HNRNPM: variants seen among roughly 807,000 people sequenced by gnomAD.
HNRNPM encodes the protein heterogeneous nuclear ribonucleoprotein M.
In HNRNPM, 11 loss-of-function variants were observed where a neutral mutation model predicts 73.1. That is an observed-to-expected ratio of 0.15 (90% CI 0.09 to 0.25). The LOEUF is 0.25. HNRNPM is among the 10% of genes least tolerant of loss of function. The pLI is 1.00. For synonymous variants in HNRNPM, 407 were observed against 355.2 expected, an observed-to-expected ratio of 1.15 and a Z score of -1.64; for missense variants, 789 against 1,067.9, an observed-to-expected ratio of 0.74 and a Z score of 3.64.
At position 8,444,990 on chromosome 19, in the gene HNRNPM, G is replaced by A. The variant is rs1599728008; in HGVS notation, c.-9G>A. On this transcript the variant is annotated 5_prime_UTR_variant, in exon 1 of 16. Coordinates refer to ENST00000325495, the MANE Select transcript of HNRNPM (RefSeq NM_005968.5). ...CCGTTCGCTCACACAAAGCCCAGAC[G>A]CGGAGAAAATGGCGGCAGGGGTCGA... The A allele has an allele frequency of 7.1e-7, 1 of 1,406,222 alleles. No homozygotes were observed. Among genetic ancestry groups the A allele is most frequent in the Non-Finnish European group, 9.3e-7 (1 of 1,080,366 alleles). 87.1% of individuals were successfully genotyped at this position (1,406,222 alleles called of 1,614,324 possible). A position where few individuals can be genotyped will look rare whatever the true frequency, so the allele number is the denominator to read the frequency against.
In HNRNPM at chr19:8,472,465, C is replaced by G. The variant is rs1970216447; in HGVS notation, c.997+1038C>G. Among the ~76,000 whole-genome samples the G allele has an allele frequency of 3.3e-5, 5 of 152,164 alleles. No homozygotes were observed. In the South Asian group the frequency reaches 1.0e-3, roughly 31 times the overall value. On this transcript the variant is annotated intron_variant, in intron 10 of 15. Coordinates refer to ENST00000325495, the MANE Select transcript of HNRNPM (RefSeq NM_005968.5). ...CTTCAAATGGCTGTTAACGTTTCCC[C>G]CGACCCAAAACACACACACCCCATG...
At chr19:8,484,419 C>T (rs762665016) in intron 13 of HNRNPM, among the ~76,000 whole-genome samples, 14 of 152,098 alleles carry the variant, frequency 9.2e-5, no homozygotes, top group Non-Finnish European at 1.5e-4. Context: ...TTGTTCCGCC[C>T]GCCTTGGCCT....
chr19:8,487,465 C>T (rs1971395752), intron 15 of HNRNPM: 3 of 224,658 alleles, frequency 1.3e-5, no homozygotes, highest in Non-Finnish European at 9.1e-6. Context: ...GAGAACACAG[C>T]CCAGCAGGTG....
At chr19:8,488,435 C>G (rs1444108686) in intron 15 of HNRNPM, 2 of 411,704 alleles carry the variant, frequency 4.9e-6, no homozygotes, top group African/African-American at 3.9e-5. Context: ...TGGCTTTACA[C>G]TGCGCCTTCT....
At chr19:8,466,527 T>C in intron 7 of HNRNPM, 139 bp downstream of exon 7, 1 of 919,768 alleles carries the variant, frequency 1.1e-6, no homozygotes, top group Non-Finnish European at 1.7e-6. Context: ...ACTGTGGAAT[T>C]AAGAGGTTCT....
chr19:8,486,938 T>G, intron 14 of HNRNPM, 86 bp from the exon 15 acceptor site: 2 of 1,025,846 alleles, frequency 1.9e-6, no homozygotes, highest in Non-Finnish European at 3.1e-6. Context: ...GTGAGAAATC[T>G]AGCATGGCCC....
At chr19:8,449,299 G>T (rs1274928228) in intron 1 of HNRNPM, among the ~76,000 whole-genome samples, 3 of 152,136 alleles carry the variant, frequency 2.0e-5, no homozygotes, top group Non-Finnish European at 2.9e-5. Context: ...GGGAGGGGGG[G>T]TTCTCCAATG....
chr19:8,462,380 A>G lies in HNRNPM; in HGVS notation c.284-149A>G, dbSNP rs879585836. On this transcript the variant is annotated intron_variant, in intron 2 of 15. Transcript: ENST00000325495. The surrounding 1 kb of genome is among the most constrained non-coding windows in gnomAD (Gnocchi z 4.5). ...CTTTTACTGCACACCTGTAATGCCT[A>G]GTTCGGTGGTTTAGAGAATATGGAG... 8 of 697,600 alleles carry G rather than the reference A, an allele frequency of 1.1e-5. No homozygotes were observed. The highest frequency in any genetic ancestry group is 2.1e-5 in the Non-Finnish European group (8 of 382,480). 43.2% of individuals were successfully genotyped at this position (697,600 alleles called of 1,614,324 possible).
At chr19:8,471,222 G>A (rs1167259533) in intron 9 of HNRNPM, 104 bp from the exon 10 acceptor site, 3 of 578,744 alleles carry the variant, frequency 5.2e-6, no homozygotes, top group Admixed American at 3.9e-5. Context: ...GTGGGGGTGG[G>A]TAGGCTGAAG....
intron 12 of HNRNPM, 28 bp downstream of exon 12, chr19:8,474,272 C>G: frequency 6.6e-7 from 1 of 1,525,752 alleles, no homozygotes; most frequent in Non-Finnish European, 8.9e-7. Flanking sequence ...TTCCTGCTTT[C>G]ACTCACCCTT....
intron 2 of HNRNPM, among the ~76,000 whole-genome samples, chr19:8,459,492 C>T (rs1436254540): frequency 1.3e-5 from 2 of 152,060 alleles, no homozygotes; most frequent in Non-Finnish European, 1.5e-5. Flanking sequence ...TCCCCTCGCC[C>T]AATAGAGTGG....
intron 14 of HNRNPM, 151 bp from the exon 15 acceptor site, chr19:8,486,873 C>CT (rs1328442463): frequency 3.2e-5 from 23 of 722,308 alleles, no homozygotes; most frequent in Non-Finnish European, 5.3e-5. Flanking sequence ...CCACATGTAT[C>CT]TATTAGTTTC....
At chr19:8,479,737 C>A (rs1970769588) in intron 12 of HNRNPM, among the ~76,000 whole-genome samples, 1 of 147,090 alleles carries the variant, frequency 6.8e-6, no homozygotes, top group Non-Finnish European at 1.5e-5. Context: ...AGCCACTATG[C>A]CTGGCCAGCG....
intron 11 of HNRNPM, 82 bp downstream of exon 11, chr19:8,473,790 C>G: frequency 1.1e-6 from 1 of 900,822 alleles, no homozygotes; most frequent in African/African-American, 1.7e-5. Flanking sequence ...CTTGTTTAAA[C>G]CCTGCATGAA....
At position 8,484,533 on chromosome 19, in the gene HNRNPM, T is replaced by C. The variant is rs537774394; in HGVS notation, c.1175-1070T>C. 1.5e-3 allele frequency among the ~76,000 whole-genome samples: 227 copies of C among 152,298 alleles called. 2 individuals are homozygous for C. The highest frequency in any genetic ancestry group is 0.01 in the Middle Eastern group (3 of 290). On this transcript the variant is annotated intron_variant, in intron 13 of 15. Transcript: ENST00000325495. ...CCCATTCTCGCTAGGTTCCTTATACTGTGGGGAAGTTCTGAGACGTCTCCC... is the reference window on the plus strand; with the variant it reads ...CCCATTCTCGCTAGGTTCCTTATACCGTGGGGAAGTTCTGAGACGTCTCCC...
At chr19:8,464,023 C>G (rs1236546984) in intron 5 of HNRNPM, among the ~76,000 whole-genome samples, 1 of 152,030 alleles carries the variant, frequency 6.6e-6, no homozygotes, top group Non-Finnish European at 1.5e-5. Flanking sequence ...CATCTTTTTT[C>G]TTTTTTTAAA....
At chr19:8,479,772 A>AAAATTT (rs1491516635) in intron 12 of HNRNPM, among the ~76,000 whole-genome samples, 1 of 41,596 alleles carries the variant, frequency 2.4e-5, no homozygotes, top group African/African-American at 9.0e-5. Context: ...AAAAAAAAAA[A>AAAATTT]TTTTTTTTTT....
chr19:8,480,204 C>A (rs575620059), intron 12 of HNRNPM, among the ~76,000 whole-genome samples: 85 of 150,112 alleles, frequency 5.7e-4, no homozygotes, highest in African/African-American at 2.0e-3. Flanking sequence ...GGTGAAACCC[C>A]GTCTCTACTA....
Position 8,486,331 on chromosome 19 carries a change from G to T in HNRNPM, c.1903G>T (p.Ala635Ser), listed in dbSNP as rs377463508. Residue 635 changes from alanine (A) to serine (S), a missense_variant, in exon 14 of 16, where the codon GCA becomes TCA. Around this residue, in one of 4 missense-constraint regions of HNRNPM, gnomAD observed 604 missense variants for 744.0 expected, o/e 0.81. Coordinates refer to ENST00000325495, the MANE Select transcript of HNRNPM (RefSeq NM_005968.5). ...GCGTGGCAACTTCGGAGGAAGCTTC[G>T]CAGGTTCCTTTGGTGGAGCTGGAGG... is the stretch of plus-strand genomic sequence containing the variant. ...MERGNFGGSF[A>S]GSFGGAGGHA... 25 of 1,599,406 alleles carry T rather than the reference G, an allele frequency of 1.6e-5. No individual in the cohort carries two copies. The highest frequency in any genetic ancestry group is 1.7e-5 in the Admixed American group (1 of 59,974).
Sources: gnomAD v4.1 joint callset for allele counts (sites outside exome capture counted in the v4.1 genomes callset) on GRCh38, gnomAD v4.1.1 for gene constraint, gnomAD v4.1.1 regional missense constraint, Gnocchi (gnomAD v3.1) non-coding constraint, MANE v1.5 for transcripts, NCBI Gene and HGNC (gene_info 2026-07-23, HGNC 2026-07-21) for gene names.